The following TIAM2 variants were observed in gnomAD, a reference collection of about 807,000 sequenced individuals.
TIAM2 encodes the protein rho guanine nucleotide exchange factor TIAM2.
TIAM2 carries 80 observed loss-of-function variants against 152.9 expected under a neutral mutation model. The observed-to-expected ratio is 0.52, with a 90% CI of 0.44 to 0.63. The LOEUF (loss-of-function observed/expected upper bound fraction) is 0.63. TIAM2 is among the 30% of genes least tolerant of loss of function. The pLI is 0.00. For missense variants in TIAM2, 1,965 were observed against 2,120.1 expected (o/e 0.93, Z 1.44); for synonymous variants, 804 against 838.0 (o/e 0.96, Z 0.70).
At chr6:155,040,077 A>G (rs1405613298) in intron 1 of TIAM2, among the ~76,000 whole-genome samples, 2 of 152,192 alleles carry the variant, frequency 1.3e-5, no homozygotes, top group South Asian at 2.1e-4. Context: ...CTGTTACATT[A>G]TGAAGTTTTA....
intron 6 of TIAM2, among the ~76,000 whole-genome samples, chr6:155,147,176 C>CTTTTTT (rs3028764): frequency 2.1e-5 from 3 of 143,330 alleles, no homozygotes; most frequent in Non-Finnish European, 3.0e-5. Flanking sequence ...TTACATTGTT[C>CTTTTTT]TTTTTTTTTT....
intron 3 of TIAM2, 108 bp downstream of exon 3, chr6:155,127,708 T>G: frequency 4.7e-6 from 2 of 424,442 alleles, no homozygotes; most frequent in South Asian, 3.4e-5. Context: ...TTTAAAATAT[T>G]TGATAATTAC....
intron 1 of TIAM2, among the ~76,000 whole-genome samples, chr6:155,029,526 TATAGATAATA>T: frequency 2.0e-4 from 4 of 20,158 alleles, no homozygotes; most frequent in African/African-American, 8.0e-4. Context: ...TATATTATAG[TATAGATAATA>T]ATATATATTA....
chr6:155,008,585 T>C (rs1778434954), intron 1 of TIAM2, among the ~76,000 whole-genome samples: 1 of 125,918 alleles, frequency 7.9e-6, no homozygotes, highest in South Asian at 3.3e-4. Flanking sequence ...ACCTTCCTTT[T>C]CTGGAAATAA....
chr6:155,065,173 C>T (rs1255294249), intron 1 of TIAM2, among the ~76,000 whole-genome samples: 1 of 152,080 alleles, frequency 6.6e-6, no homozygotes, highest in African/African-American at 2.4e-5. Context: ...AGGCTGGTCT[C>T]AAACTGCTAA....
chr6:155,245,324 C>T (rs1033379362), intron 18 of TIAM2, among the ~76,000 whole-genome samples: 6 of 152,218 alleles, frequency 3.9e-5, no homozygotes, highest in African/African-American at 1.2e-4. Flanking sequence ...GTGAACCTCT[C>T]TCAGATTGTT....
At chr6:155,103,259 A>G (rs1392423414) in intron 2 of TIAM2, among the ~76,000 whole-genome samples, 1 of 152,208 alleles carries the variant, frequency 6.6e-6, no homozygotes, top group Non-Finnish European at 1.5e-5. Context: ...TCATAGAACT[A>G]AAGTCATTTG....
intron 21 of TIAM2, 143 bp from the exon 22 acceptor site, chr6:155,250,770 A>C: frequency 2.7e-6 from 3 of 1,116,246 alleles, no homozygotes; most frequent in Non-Finnish European, 3.9e-6. Context: ...CCACCGTTTA[A>C]GGCCCCATGT....
intron 1 of TIAM2, among the ~76,000 whole-genome samples, chr6:155,028,061 CTATATATAATATATG>C (rs1776651450): frequency 8.5e-6 from 1 of 117,538 alleles, no homozygotes; most frequent in Non-Finnish European, 1.6e-5. Flanking sequence ...TACATATATA[CTATATATAATATATG>C]TACTGTGTTA....
Position 155,183,265 on chromosome 6 carries a change from C to G in TIAM2, c.2829C>G (p.Thr943=). 6.2e-7 allele frequency: 1 copy of G among 1,614,132 alleles called. No individual in the cohort carries two copies. Among genetic ancestry groups the G allele is most frequent in the Non-Finnish European group, 8.5e-7 (1 of 1,180,026 alleles). ...TGAGAAAGGGCAATGAGATCATGAC[C>G]TTAAATGGGGAAGCTGTGTCTGATC... ...EGLRKGNEIM[T]LNGEAVSDLD... Residue 943 remains threonine (T), a synonymous_variant, in exon 14 of 27, where the codon ACC becomes ACG. Coordinates refer to ENST00000682666, the MANE Select transcript of TIAM2 (RefSeq NM_012454.4).
At chr6:155,027,040 T>A (rs1776617419) in intron 1 of TIAM2, among the ~76,000 whole-genome samples, 1 of 152,048 alleles carries the variant, frequency 6.6e-6, no homozygotes, top group Non-Finnish European at 1.5e-5. Flanking sequence ...TTAAATATTT[T>A]TTACCTTTTT....
intron 1 of TIAM2, among the ~76,000 whole-genome samples, chr6:155,047,745 G>A (rs902840537): frequency 7.3e-6 from 1 of 136,766 alleles, no homozygotes; most frequent in Non-Finnish European, 1.6e-5. Context: ...GAGAGAGAGA[G>A]CGAGCGCACA....
At chr6:155,243,316 G>C (rs552683554) in intron 16 of TIAM2, among the ~76,000 whole-genome samples, 1 of 152,164 alleles carries the variant, frequency 6.6e-6, no homozygotes, top group South Asian at 2.1e-4. Context: ...CCCTGAGGCA[G>C]AAGAGGCCAG....
Position 155,163,501 on chromosome 6 carries a change from T to A in TIAM2, c.2029-914T>A, listed in dbSNP as rs527406192. ...ACTCATGACTTAAGTTTTGAAGAAG[T>A]TCATAGTAACTTCTGTGGTGTAAAC... On this transcript the variant is annotated intron_variant, in intron 7 of 26. Transcript: ENST00000682666. 2.4e-4 allele frequency among the ~76,000 whole-genome samples: 36 copies of A among 152,330 alleles called. No individual in the cohort carries two copies. In the South Asian group the frequency reaches 7.5e-3, roughly 32 times the overall value.
chr6:155,004,730 G>C (rs954355090), intron 1 of TIAM2: 1 of 152,316 alleles, frequency 6.6e-6, no homozygotes, highest in African/African-American at 2.4e-5. Flanking sequence ...CTGTTACTCT[G>C]TTATGTAACC....
intron 1 of TIAM2, among the ~76,000 whole-genome samples, chr6:155,085,563 T>TA (rs879432345): frequency 2.1e-3 from 301 of 146,048 alleles, no homozygotes; most frequent in Middle Eastern, 7.0e-3. Context: ...ATGTGGCCAT[T>TA]AAAAAAAAAA....
At chr6:155,132,635 A>G (rs1007808469) in intron 4 of TIAM2, among the ~76,000 whole-genome samples, 4 of 152,210 alleles carry the variant, frequency 2.6e-5, no homozygotes, top group Admixed American at 6.5e-5. Context: ...CACTGAGCAT[A>G]ATGGGAGACG....
chr6:155,054,213 C>T (rs1334521668), intron 1 of TIAM2, among the ~76,000 whole-genome samples: 3 of 152,090 alleles, frequency 2.0e-5, no homozygotes, highest in African/African-American at 7.2e-5. Flanking sequence ...CTGTTGGTCT[C>T]TGTGAGCTTG....
At chr6:155,189,569 C>T (rs1241204465) in intron 14 of TIAM2, among the ~76,000 whole-genome samples, 1 of 152,100 alleles carries the variant, frequency 6.6e-6, no homozygotes, top group African/African-American at 2.4e-5. Context: ...GTTTGATTCT[C>T]TTTTTCTTAT....
Sources: allele counts gnomAD v4.1 joint callset (sites outside exome capture counted in the v4.1 genomes callset), GRCh38; gene constraint gnomAD v4.1.1; transcripts MANE v1.5; gene names NCBI Gene and HGNC (gene_info 2026-07-23, HGNC 2026-07-21).